Variants in TCERG1L observed in about 807,000 individuals in gnomAD.
The protein encoded by TCERG1L is transcription elongation regulator 1-like protein.
In TCERG1L, 37 loss-of-function variants were observed where a neutral mutation model predicts 56.3. The observed-to-expected ratio is 0.66, with a 90% CI of 0.51 to 0.87. TCERG1L has a LOEUF of 0.87. Among genes scored for constraint, TCERG1L ranks in the 40% least tolerant of loss-of-function variants. TCERG1L has a pLI of 0.00. For synonymous variants in TCERG1L, 324 were observed against 326.3 expected (o/e 0.99, Z 0.08); for missense variants, 799 against 774.2 (o/e 1.03, Z -0.38).
rs1845326351 is a variant in TCERG1L, at chr10:131,103,879, T to C, written c.1485+386A>G. 6.6e-6 allele frequency among the ~76,000 whole-genome samples: 1 copy of C among 152,164 alleles called. No homozygotes were observed. ...CATTTTGATTCTGACAACTTTCATA[T>C]TATATAAGATTTTAAGCATATAAAA... is the stretch of plus-strand genomic sequence containing the variant. On this transcript the variant is annotated intron_variant, in intron 10 of 11. Transcript: ENST00000368642. The surrounding 1 kb of genome is among the most constrained non-coding windows in gnomAD (Gnocchi z 4.3).
At chr10:131,174,449 G>A (rs1846126049) in intron 4 of TCERG1L, among the ~76,000 whole-genome samples, 1 of 152,118 alleles carries the variant, frequency 6.6e-6, no homozygotes, top group Admixed American at 6.5e-5. Context: ...AGAGGGCTCA[G>A]GTCAGCCAGG....
In TCERG1L at chr10:131,118,899, A is replaced by G. The variant is rs890550003; in HGVS notation, c.1260-1965T>C. Among the ~76,000 whole-genome samples the G allele has an allele frequency of 2.6e-5, 4 of 152,170 alleles. No homozygotes were observed. Among genetic ancestry groups the G allele is most frequent in the African/African-American group, 7.2e-5 (3 of 41,442 alleles). ...AGGTCTGGAAACATTTGTGGCTGCCACAACTGGGGAGATGTTACCAGCACC... is the reference window on the plus strand; with the variant it reads ...AGGTCTGGAAACATTTGTGGCTGCCGCAACTGGGGAGATGTTACCAGCACC... On this transcript the variant is annotated intron_variant, in intron 8 of 11. Coordinates refer to ENST00000368642, the MANE Select transcript of TCERG1L (RefSeq NM_174937.4). This position sits in a 1 kb window ranked among gnomAD's most constrained non-coding sequence, Gnocchi z 4.2.
intron 4 of TCERG1L, among the ~76,000 whole-genome samples, chr10:131,202,537 T>C (rs1452229548): frequency 1.3e-5 from 2 of 152,036 alleles, no homozygotes; most frequent in South Asian, 2.1e-4. Flanking sequence ...GACAAGATCA[T>C]GCCACTGCAC....
intron 3 of TCERG1L, among the ~76,000 whole-genome samples, chr10:131,285,587 A>C (rs2133567772): frequency 6.6e-6 from 1 of 152,010 alleles, no homozygotes; most frequent in Non-Finnish European, 1.5e-5. Flanking sequence ...AAAGAAAAAA[A>C]ATGAGATGGC....
At chr10:131,289,158 T>TA (rs1846579589) in intron 3 of TCERG1L, among the ~76,000 whole-genome samples, 1 of 151,942 alleles carries the variant, frequency 6.6e-6, no homozygotes, top group Non-Finnish European at 1.5e-5. Flanking sequence ...TTTTTTTTTT[T>TA]AATCAAGCAT....
At chr10:131,257,038 AAAGAAAG>A (rs1761432540) in intron 4 of TCERG1L, among the ~76,000 whole-genome samples, 9 of 145,036 alleles carry the variant, frequency 6.2e-5, no homozygotes, top group Middle Eastern at 3.5e-3. Flanking sequence ...AGAAAGAAAG[AAAGAAAG>A]AAAGAAAGAA....
intron 4 of TCERG1L, among the ~76,000 whole-genome samples, chr10:131,243,894 G>A (rs371490637): frequency 1.4e-4 from 21 of 152,330 alleles, no homozygotes; most frequent in African/African-American, 4.3e-4. Flanking sequence ...ACTGAGCCCA[G>A]CTCAAATTGG....
At chr10:131,261,401 C>T (rs534599572) in intron 3 of TCERG1L, among the ~76,000 whole-genome samples, 2 of 152,322 alleles carry the variant, frequency 1.3e-5, no homozygotes, top group African/African-American at 2.4e-5. Context: ...GTGTGACCCA[C>T]CCACATGCCC....
intron 3 of TCERG1L, among the ~76,000 whole-genome samples, chr10:131,295,261 G>C (rs956904036): frequency 1.3e-5 from 2 of 152,172 alleles, no homozygotes; most frequent in Admixed American, 1.3e-4. Context: ...TACTACAAAC[G>C]TCTGTGTGCA....
Position 131,104,299 on chromosome 10 carries a change from C to A in TCERG1L, c.1451G>T (p.Arg484Leu). Residue 484 changes from arginine to leucine, a missense_variant, in exon 10 of 12, where the codon CGC (arginine) becomes CTC (leucine). By Grantham distance (102) the Arg-to-Leu change is moderately radical. Transcript: ENST00000368642. ...TTCCTCAGAGTTGAGCAGGAGATAG[C>A]GTGGGTCAAACACGATTTTGTGTAA... is the stretch of plus-strand genomic sequence containing the variant. ...KELHKIVFDPRYLLLNSEERK... is the reference protein window; with the variant it reads ...KELHKIVFDPLYLLLNSEERK... 6.4e-7 allele frequency: 1 copy of A among 1,551,008 alleles called. No individual in the cohort carries two copies. The highest frequency in any genetic ancestry group is 1.2e-5 in the South Asian group (1 of 84,008).
At chr10:131,176,441 TAC>T (rs1725370228) in intron 4 of TCERG1L, among the ~76,000 whole-genome samples, 1 of 26,336 alleles carries the variant, frequency 3.8e-5, no homozygotes, top group East Asian at 1.1e-3. Context: ...CACACAGAGA[TAC>T]GTGTACACAC....
chr10:131,116,715 C>T (rs529808704), intron 9 of TCERG1L, 84 bp downstream of exon 9: 24 of 1,516,190 alleles, frequency 1.6e-5, no homozygotes, highest in South Asian at 1.2e-4. Context: ...AGTGAGGAGG[C>T]GACCCTCAGG....
rs893296888 is a variant in TCERG1L at position 131,267,802 on chromosome 10, G to T, written c.671-7358C>A. On this transcript the variant is annotated intron_variant, in intron 3 of 11. Coordinates refer to ENST00000368642, the MANE Select transcript of TCERG1L (RefSeq NM_174937.4). The surrounding 1 kb of genome is among the most constrained non-coding windows in gnomAD (Gnocchi z 4.9). ...TGCTGCTCCCACCACCAGTCCTGCT[G>T]CCCTGTCCACCTCCTTGCAGACTTC... Among the ~76,000 whole-genome samples, 2 of 152,344 alleles carry T rather than the reference G, an allele frequency of 1.3e-5. No individual in the cohort carries two copies. The highest frequency in any genetic ancestry group is 3.9e-4 in the East Asian group (2 of 5,184).
chr10:131,233,410 C>T (rs552661067), intron 4 of TCERG1L, among the ~76,000 whole-genome samples: 6 of 152,042 alleles, frequency 3.9e-5, no homozygotes, highest in Non-Finnish European at 8.8e-5. Flanking sequence ...CTTGAATATC[C>T]ATTACACACA....
intron 9 of TCERG1L, among the ~76,000 whole-genome samples, chr10:131,114,375 T>C (rs1845434606): frequency 7.1e-6 from 1 of 141,342 alleles, no homozygotes; most frequent in Non-Finnish European, 1.6e-5. Flanking sequence ...CTTTATAATA[T>C]TAGCAGTAAA....
chr10:131,172,586 G>A (rs763036520), intron 4 of TCERG1L, among the ~76,000 whole-genome samples: 16 of 152,252 alleles, frequency 1.1e-4, no homozygotes, highest in African/African-American at 3.6e-4. Flanking sequence ...TCCATATCAC[G>A]CGTGCTCCAC....
At chr10:131,188,666 G>A (rs1054870264) in intron 4 of TCERG1L, among the ~76,000 whole-genome samples, 11 of 151,934 alleles carry the variant, frequency 7.2e-5, no homozygotes, top group Non-Finnish European at 1.3e-4. Context: ...GATATTTTTC[G>A]CATGTGTAAA....
intron 4 of TCERG1L, among the ~76,000 whole-genome samples, chr10:131,253,812 T>G (rs995528513): frequency 6.6e-6 from 1 of 152,050 alleles, no homozygotes; most frequent in African/African-American, 2.4e-5. Flanking sequence ...AGAGGTAACT[T>G]TGTCCCAAGA....
chr10:131,213,665 T>G (rs10765055), intron 4 of TCERG1L, among the ~76,000 whole-genome samples: 79,395 of 152,076 alleles, frequency 0.52, 22,743 homozygotes, highest in East Asian at 0.71. Context: ...TCCATCAGCC[T>G]CAGGTTCCAG....
Sources: gnomAD v4.1 joint callset for allele counts (sites outside exome capture counted in the v4.1 genomes callset) on GRCh38, gnomAD v4.1.1 for gene constraint, Gnocchi (gnomAD v3.1) non-coding constraint, MANE v1.5 for transcripts, NCBI Gene and HGNC (gene_info 2026-07-23, HGNC 2026-07-21) for gene names.